The following DUS2 variants were observed in gnomAD, a reference collection of about 807,000 sequenced individuals.
The protein encoded by DUS2 is tRNA-dihydrouridine(20) synthase [NAD(P)+]-like.
DUS2 carries 52 observed loss-of-function variants against 71.3 expected under a neutral mutation model. The ratio of observed to expected loss-of-function variants is 0.73; its 90% CI spans 0.58 to 0.92. DUS2 has a LOEUF of 0.92. DUS2 is among the 40% of genes least tolerant of loss of function. The pLI is 0.00. For missense variants in DUS2, 558 were observed against 622.6 expected, an observed-to-expected ratio of 0.90 and a Z score of 1.10; for synonymous variants, 204 against 227.8, an observed-to-expected ratio of 0.90 and a Z score of 0.94.
intron 4 of DUS2, 132 bp downstream of exon 4, chr16:68,049,682 T>A: frequency 1.2e-6 from 1 of 818,734 alleles, no homozygotes; most frequent in Non-Finnish European, 2.1e-6. Context: ...CATGCTCCCT[T>A]GAGAGCAGTC....
At chr16:68,074,994 T>C (rs1218147361) in intron 13 of DUS2, among the ~76,000 whole-genome samples, 2 of 152,134 alleles carry the variant, frequency 1.3e-5, no homozygotes, top group African/African-American at 4.8e-5. Context: ...CTCTGTCTCT[T>C]CCTCCCATGG....
At position 68,078,511 on chromosome 16, in the gene DUS2, A is replaced by G; in HGVS notation, c.1237A>G (p.Thr413Ala). Residue 413 changes from threonine to alanine, a missense_variant, in exon 16 of 17, where the codon ACC becomes GCC. By Grantham distance (58) the Thr-to-Ala change is moderately conservative. Coordinates refer to ENST00000565263, the MANE Select transcript of DUS2 (RefSeq NM_017803.5). The part of the protein sequence containing the change: ...VTVAEQKYQS[T>A]LWDKSKKLAE... Reference sequence around the variant, plus strand: ...CGTTGCTGAACAAAAGTATCAGTCTACCTTGTGGTAAGTTTCCTTATCATA... The same window carrying G: ...CGTTGCTGAACAAAAGTATCAGTCTGCCTTGTGGTAAGTTTCCTTATCATA... 6.2e-7 allele frequency: 1 copy of G among 1,613,922 alleles called. No homozygotes were observed. The highest frequency in any genetic ancestry group is 8.5e-7 in the Non-Finnish European group (1 of 1,179,998).
chr16:68,069,624 C>T (rs968809861), intron 10 of DUS2, among the ~76,000 whole-genome samples: 4 of 152,206 alleles, frequency 2.6e-5, no homozygotes, highest in African/African-American at 7.2e-5. Flanking sequence ...CCGTGCCTTT[C>T]CTGGGTGCGG....
At position 68,050,797 on chromosome 16, in the gene DUS2, A is replaced by G. The variant is rs552742923; in HGVS notation, c.172+1247A>G. Among the ~76,000 whole-genome samples, 20 of 152,274 alleles carry G rather than the reference A, an allele frequency of 1.3e-4. 1 individual carries two copies. The highest frequency in any genetic ancestry group is 4.8e-4 in the African/African-American group (20 of 41,554). Reference sequence around the variant, plus strand: ...TTGCCCATGTCAGTACCTAGGGGCAACTATGTCAGAATTGATTTTACCAGA... The same window carrying G: ...TTGCCCATGTCAGTACCTAGGGGCAGCTATGTCAGAATTGATTTTACCAGA... On this transcript the variant is annotated intron_variant, in intron 4 of 16. Coordinates refer to ENST00000565263, the MANE Select transcript of DUS2 (RefSeq NM_017803.5).
At chr16:68,069,693 T>A (rs1209340286) in intron 10 of DUS2, among the ~76,000 whole-genome samples, 1 of 152,186 alleles carries the variant, frequency 6.6e-6, no homozygotes, top group Non-Finnish European at 1.5e-5. Context: ...GGCTTTGGCA[T>A]TGGCAGCTGT....
intron 14 of DUS2, 87 bp downstream of exon 14, chr16:68,075,591 T>G: frequency 7.4e-7 from 1 of 1,350,172 alleles, no homozygotes; most frequent in Non-Finnish European, 9.9e-7. Context: ...TGTATGTGCT[T>G]AATGTCAAAC....
intron 11 of DUS2, 133 bp downstream of exon 11, chr16:68,070,353 C>G: frequency 1.3e-6 from 1 of 746,760 alleles, no homozygotes; most frequent in Non-Finnish European, 2.2e-6. Flanking sequence ...CACAAGACCC[C>G]AGACCTGTTC....
intron 1 of DUS2, among the ~76,000 whole-genome samples, chr16:68,024,377 G>A (rs2033311951): frequency 6.6e-6 from 1 of 152,110 alleles, no homozygotes; most frequent in African/African-American, 2.4e-5. Flanking sequence ...GGGATTATAA[G>A]CGTGAGCCAC....
chr16:68,076,739 C>G lies in DUS2; in HGVS notation c.1170+20C>G. 6.3e-7 allele frequency: 1 copy of G among 1,599,406 alleles called. No individual in the cohort carries two copies. The highest frequency in any genetic ancestry group is 8.6e-7 in the Non-Finnish European group (1 of 1,167,010). The stretch of plus-strand genomic sequence containing the variant: ...GAAACGGTGAGTTCCTGGCTGTGGC[C>G]TGCCCTGCAGCCAGTCACAGCACTC... On this transcript the variant is annotated intron_variant, in intron 15 of 16. Transcript: ENST00000565263.
chr16:68,036,214 G>A (rs2033524775), intron 2 of DUS2, among the ~76,000 whole-genome samples: 1 of 150,472 alleles, frequency 6.6e-6, no homozygotes, highest in Non-Finnish European at 1.5e-5. Flanking sequence ...AGGCTGGAGT[G>A]CGGTGGCATG....
chr16:68,075,358 G>A lies in DUS2; in HGVS notation c.936G>A (p.Glu312=). 1.9e-6 allele frequency: 3 copies of A among 1,604,928 alleles called. No homozygotes were observed. The highest frequency in any genetic ancestry group is 2.6e-6 in the Non-Finnish European group (3 of 1,175,134). Residue 312 remains glutamate (E), a synonymous_variant, in exon 14 of 17, where the codon GAG becomes GAA. Coordinates refer to ENST00000565263, the MANE Select transcript of DUS2 (RefSeq NM_017803.5). ...TGATCTGCTTCTTCCTCCCTAGTGA[G>A]GCCTTTGGCCTTGGTGCCTTCTATG... The part of the protein sequence containing the change: ...HAAQSSREIC[E]AFGLGAFYEE...
intron 3 of DUS2, among the ~76,000 whole-genome samples, chr16:68,042,391 T>G (rs1486475582): frequency 1.3e-5 from 2 of 152,212 alleles, no homozygotes; most frequent in African/African-American, 4.8e-5. Flanking sequence ...GGAAGTGGGA[T>G]TGCTAGATCA....
chr16:68,078,295 C>G, intron 15 of DUS2, 150 bp from the exon 16 acceptor site: 1 of 725,354 alleles, frequency 1.4e-6, no homozygotes, highest in Non-Finnish European at 2.4e-6. Flanking sequence ...CCACTGGGCA[C>G]TTTTGCTTGG....
chr16:68,065,189 T>A (rs992395053), intron 8 of DUS2, among the ~76,000 whole-genome samples: 6 of 152,198 alleles, frequency 3.9e-5, no homozygotes, highest in African/African-American at 1.4e-4. Context: ...ATAAGCACTT[T>A]TAAATATGTG....
intron 3 of DUS2, among the ~76,000 whole-genome samples, chr16:68,041,404 T>C (rs1236207950): frequency 2.0e-5 from 3 of 152,148 alleles, no homozygotes; most frequent in Non-Finnish European, 4.4e-5. Context: ...GATTCTGGTG[T>C]TCCTGTCTGT....
chr16:68,036,018 A>G (rs960356044), intron 2 of DUS2, among the ~76,000 whole-genome samples: 1 of 147,394 alleles, frequency 6.8e-6, no homozygotes, highest in African/African-American at 2.5e-5. Context: ...TTATTTTTAG[A>G]TGGAGTTTTC....
intron 3 of DUS2, among the ~76,000 whole-genome samples, chr16:68,041,442 A>T (rs779520302): frequency 1.4e-4 from 21 of 151,986 alleles, no homozygotes; most frequent in Non-Finnish European, 2.2e-4. Flanking sequence ...TTAGACTTAA[A>T]CTTCTTATTA....
intron 7 of DUS2, among the ~76,000 whole-genome samples, chr16:68,058,045 G>A (rs2151421316): frequency 6.6e-6 from 1 of 152,154 alleles, no homozygotes. Context: ...GACCCTGTAA[G>A]CAGAGGGTGT....
intron 13 of DUS2, among the ~76,000 whole-genome samples, chr16:68,074,426 A>G (rs908592457): frequency 2.0e-5 from 3 of 152,240 alleles, no homozygotes; most frequent in East Asian, 1.9e-4. Flanking sequence ...TAAATGGGAT[A>G]GTCACAGGCC....
Sources: gnomAD v4.1 joint callset for allele counts (sites outside exome capture counted in the v4.1 genomes callset) on GRCh38, gnomAD v4.1.1 for gene constraint, MANE v1.5 for transcripts, NCBI Gene and HGNC (gene_info 2026-07-23, HGNC 2026-07-21) for gene names.